Variants in PLEKHG7 observed in about 807,000 individuals in gnomAD.
PLEKHG7 encodes pleckstrin homology domain-containing family G member 7.
PLEKHG7 carries 77 observed loss-of-function variants against 85.2 expected under a neutral mutation model. That is an observed-to-expected ratio of 0.90 (90% CI 0.75 to 1.09). The LOEUF (loss-of-function observed/expected upper bound fraction) is 1.09. Among genes scored for constraint, PLEKHG7 ranks in the 50% least tolerant of loss-of-function variants. PLEKHG7 has a pLI of 0.00. For missense variants in PLEKHG7, 777 were observed against 804.3 expected (o/e 0.97, Z 0.41); for synonymous variants, 301 against 302.4 (o/e 1.00, Z 0.05).
At position 92,736,590 on chromosome 12, in the gene PLEKHG7, C is replaced by T; in HGVS notation, c.795+13C>T. 8.2e-7 allele frequency: 1 copy of T among 1,213,358 alleles called. No homozygotes were observed. Among genetic ancestry groups the T allele is most frequent in the Non-Finnish European group, 1.0e-6 (1 of 970,892 alleles). The allele number at this position is 1,213,358 out of a possible 1,614,324, so 75.2% of individuals were successfully genotyped here. A position where few individuals can be genotyped will look rare whatever the true frequency, so the allele number is the denominator to read the frequency against. On this transcript the variant is annotated intron_variant, in intron 6 of 16. Transcript: ENST00000344636. ...CTACGGTCTTAAGGTATCTTTCAAA[C>T]TGTTAACTATGGGGTTTGACTTTTT...
chr12:92,756,241 C>A, intron 12 of PLEKHG7, 57 bp from the exon 13 acceptor site: 1 of 1,336,748 alleles, frequency 7.5e-7, no homozygotes, highest in Non-Finnish European at 1.1e-6. Flanking sequence ...GCTTTTTAAA[C>A]ATGTTCTCTT....
intron 4 of PLEKHG7, among the ~76,000 whole-genome samples, chr12:92,730,097 G>A (rs760550766): frequency 2.6e-5 from 4 of 152,136 alleles, no homozygotes; most frequent in Non-Finnish European, 5.9e-5. Context: ...ATGGGCAGCT[G>A]CAGTCTCCTG....
At chr12:92,762,308 T>C (rs1873060599) in intron 14 of PLEKHG7, among the ~76,000 whole-genome samples, 1 of 152,150 alleles carries the variant, frequency 6.6e-6, no homozygotes, top group African/African-American at 2.4e-5. Flanking sequence ...AAGCTCACAT[T>C]ATTTCTGAGA....
At chr12:92,764,016 G>A in intron 14 of PLEKHG7, 25 bp from the exon 15 acceptor site, 1 of 1,586,218 alleles carries the variant, frequency 6.3e-7, no homozygotes, top group South Asian at 1.1e-5. Context: ...CTTGTTTATT[G>A]CATTATTTTT....
At chr12:92,720,471 G>A (rs955147985) in intron 3 of PLEKHG7, among the ~76,000 whole-genome samples, 1 of 151,890 alleles carries the variant, frequency 6.6e-6, no homozygotes, top group Non-Finnish European at 1.5e-5. Flanking sequence ...GACTACAGGC[G>A]TGCGCCACCA....
chr12:92,769,443 CCAAT>C (rs746449259), intron 16 of PLEKHG7, among the ~76,000 whole-genome samples: 14 of 152,216 alleles, frequency 9.2e-5, no homozygotes, highest in Middle Eastern at 6.8e-3. Flanking sequence ...TTAAGATGCT[CCAAT>C]CAGTTTCCAA....
At chr12:92,727,132 C>T (rs1008541717) in intron 3 of PLEKHG7, among the ~76,000 whole-genome samples, 3 of 152,174 alleles carry the variant, frequency 2.0e-5, no homozygotes, top group African/African-American at 7.2e-5. Context: ...TTTGTCATCA[C>T]AGCCCTCCCC....
At chr12:92,731,477 C>G (rs374671191) in intron 4 of PLEKHG7, among the ~76,000 whole-genome samples, 5 of 152,192 alleles carry the variant, frequency 3.3e-5, no homozygotes, top group Non-Finnish European at 7.3e-5. Flanking sequence ...TATAAGACAT[C>G]CATTTTGTAT....
intron 15 of PLEKHG7, among the ~76,000 whole-genome samples, chr12:92,765,009 G>A (rs1873149688): frequency 6.6e-6 from 1 of 152,094 alleles, no homozygotes; most frequent in Admixed American, 6.6e-5. Context: ...CCCCATTGGA[G>A]GGGCCGGAAA....
At chr12:92,767,497 CTTTT>C (rs59965480) in intron 15 of PLEKHG7, among the ~76,000 whole-genome samples, 2 of 147,528 alleles carry the variant, frequency 1.4e-5, no homozygotes, top group East Asian at 2.0e-4. Context: ...ACACAGCCAG[CTTTT>C]TTTTTTTTTC....
intron 9 of PLEKHG7, among the ~76,000 whole-genome samples, chr12:92,745,059 A>G (rs1872490176): frequency 6.6e-6 from 1 of 152,262 alleles, no homozygotes; most frequent in Non-Finnish European, 1.5e-5. Context: ...AAGTGTCCTT[A>G]CTTTAATCAC....
chr12:92,730,385 C>T (rs907538933), intron 4 of PLEKHG7, among the ~76,000 whole-genome samples: 2 of 152,176 alleles, frequency 1.3e-5, no homozygotes, highest in African/African-American at 4.8e-5. Context: ...CAAAGGCTGT[C>T]CCGAACTAGC....
chr12:92,764,442 T>C (rs1873129735), intron 15 of PLEKHG7, among the ~76,000 whole-genome samples: 1 of 152,152 alleles, frequency 6.6e-6, no homozygotes, highest in Admixed American at 6.5e-5. Flanking sequence ...CTTTGAGAAA[T>C]AGGGATAATA....
In PLEKHG7 at chr12:92,770,080, T is replaced by C. The variant is rs1407598693; in HGVS notation, c.1969-8T>C. The C allele has an allele frequency of 1.9e-6, 3 of 1,562,170 alleles. No individual in the cohort carries two copies. Among genetic ancestry groups the C allele is most frequent in the Non-Finnish European group, 2.6e-6 (3 of 1,153,114 alleles). ...TCTATTTATGTATTTTTTTCTTTTT[T>C]TCAACAGAAAACATGGATGGCACAA... On this transcript the variant is annotated splice_polypyrimidine_tract_variant and splice_region_variant and intron_variant, in intron 16 of 16. Coordinates refer to ENST00000344636, the MANE Select transcript of PLEKHG7 (RefSeq NM_001377329.1).
chr12:92,704,610 T>C (rs1257058408), intron 1 of PLEKHG7, among the ~76,000 whole-genome samples: 2 of 152,248 alleles, frequency 1.3e-5, no homozygotes, highest in Admixed American at 6.5e-5. Flanking sequence ...CAGCTCAAAA[T>C]AAAGCAAACA....
chr12:92,727,505 G>A (rs185176603), intron 3 of PLEKHG7, among the ~76,000 whole-genome samples: 38 of 152,234 alleles, frequency 2.5e-4, no homozygotes, highest in African/African-American at 8.9e-4. Context: ...GCGAGAGAAT[G>A]TGATATTTGA....
In PLEKHG7 at chr12:92,729,134, AGTATAC is replaced by A; in HGVS notation, c.658+15_658+20del. 1 of 1,231,652 alleles carries A rather than the reference AGTATAC, an allele frequency of 8.1e-7. No homozygotes were observed. The highest frequency in any genetic ancestry group is 3.2e-5 in the East Asian group (1 of 31,700). The allele number at this position is 1,231,652 out of a possible 1,614,324, so 76.3% of individuals were successfully genotyped here. A position where few individuals can be genotyped will look rare whatever the true frequency, so the allele number is the denominator to read the frequency against. ...TGCTGAATTCAGGTTCTGTTCATTC[AGTATAC>A]TTTCATTCCATGCCCACTGTGGAAC... On this transcript the variant is annotated intron_variant, in intron 4 of 16. Transcript: ENST00000344636.
At chr12:92,728,029 ACCACATTCCATGGTG>A (rs1871874898) in intron 3 of PLEKHG7, among the ~76,000 whole-genome samples, 2 of 120,712 alleles carry the variant, frequency 1.7e-5, no homozygotes, top group African/African-American at 6.2e-5. Context: ...ATATATACAC[ACCACATTCCATGGTG>A]TATATATAAA....
intron 3 of PLEKHG7, among the ~76,000 whole-genome samples, chr12:92,721,183 A>G (rs1871629951): frequency 6.6e-6 from 1 of 152,246 alleles, no homozygotes; most frequent in Non-Finnish European, 1.5e-5. Context: ...TTAGAATAAT[A>G]TTCACCAAGA....
Sources: allele counts gnomAD v4.1 joint callset (sites outside exome capture counted in the v4.1 genomes callset), GRCh38; gene constraint gnomAD v4.1.1; transcripts MANE v1.5; gene names NCBI Gene and HGNC (gene_info 2026-07-23, HGNC 2026-07-21).